SPAG17: variants seen among roughly 807,000 people sequenced by gnomAD.
The protein encoded by SPAG17 is sperm-associated antigen 17.
A neutral mutation model predicts 273.6 loss-of-function variants in SPAG17; 169 were observed. The observed-to-expected ratio is 0.62, with a 90% CI of 0.55 to 0.70. SPAG17 has a LOEUF of 0.70. SPAG17 is among the 30% of genes least tolerant of loss of function. The pLI is 0.00. For missense variants in SPAG17, 2,557 were observed against 2,627.8 expected, an observed-to-expected ratio of 0.97 and a Z score of 0.59; for synonymous variants, 825 against 873.2, an observed-to-expected ratio of 0.94 and a Z score of 0.97.
chr1:118,061,444 G>GACAA (rs1295240182), intron 18 of SPAG17, among the ~76,000 whole-genome samples: 11 of 152,174 alleles, frequency 7.2e-5, no homozygotes, highest in Non-Finnish European at 5.9e-5. Context: ...GTCACTGAAT[G>GACAA]ACAAATACCG....
chr1:118,098,732 C>T (rs1473221569), intron 6 of SPAG17, among the ~76,000 whole-genome samples: 4 of 151,980 alleles, frequency 2.6e-5, no homozygotes, highest in Non-Finnish European at 4.4e-5. Context: ...TTGTGAAAAC[C>T]ACATGAATCA....
intron 4 of SPAG17, among the ~76,000 whole-genome samples, chr1:118,108,674 T>C (rs1656561171): frequency 1.3e-5 from 2 of 151,900 alleles, no homozygotes; most frequent in Non-Finnish European, 2.9e-5. Context: ...CCCCAGCATA[T>C]GAAGGAAGAG....
At chr1:117,989,103 G>T (rs1422900906) in intron 38 of SPAG17, among the ~76,000 whole-genome samples, 14 of 152,072 alleles carry the variant, frequency 9.2e-5, no homozygotes, top group Admixed American at 9.2e-4. Context: ...AAAGTATAGG[G>T]CCCCTGGTTA....
intron 25 of SPAG17, among the ~76,000 whole-genome samples, chr1:118,028,858 C>T (rs1008552509): frequency 6.6e-6 from 1 of 152,128 alleles, no homozygotes; most frequent in African/African-American, 2.4e-5. Flanking sequence ...GAGGGCTCCA[C>T]CCTTATGAAT....
At chr1:118,171,213 T>TATAATGTATAATACA (rs1317196931) in intron 1 of SPAG17, among the ~76,000 whole-genome samples, 1 of 152,094 alleles carries the variant, frequency 6.6e-6, no homozygotes. Context: ...GTATAATAAG[T>TATAATGTATAATACA]TGAATTGCAA....
chr1:118,018,223 G>A, intron 28 of SPAG17, among the ~76,000 whole-genome samples: 1 of 152,142 alleles, frequency 6.6e-6, no homozygotes, highest in East Asian at 1.9e-4. Context: ...GGTTTGATAT[G>A]AGGCCCTCAA....
chr1:117,955,280 G>C, intron 48 of SPAG17: 1 of 1,571,472 alleles, frequency 6.4e-7, no homozygotes, highest in East Asian at 2.3e-5. Context: ...AACCAACCAA[G>C]AGTATCACTA....
chr1:117,990,508 A>C (rs1656959929), intron 38 of SPAG17, among the ~76,000 whole-genome samples: 1 of 152,166 alleles, frequency 6.6e-6, no homozygotes, highest in South Asian at 2.1e-4. Flanking sequence ...GTTGCTCAAA[A>C]ATTTTGTGTG....
intron 1 of SPAG17, among the ~76,000 whole-genome samples, chr1:118,159,385 CA>C (rs969582716): frequency 2.0e-5 from 3 of 152,102 alleles, no homozygotes; most frequent in Non-Finnish European, 4.4e-5. Context: ...GTTTCTTAGC[CA>C]AATGACCTTG....
chr1:117,966,713 A>C lies in SPAG17; in HGVS notation c.6428T>G (p.Phe2143Cys). ...GMQTELNIEL[F>C]ATAVGEDGAK... is the part of the protein sequence containing the mutation. ...CCCATCCTCTCCAACAGCTGTGGCA[A>C]ATAACTCTATATTCAGTTCTGTCTG... Residue 2143 changes from phenylalanine to cysteine, a missense_variant, in exon 47 of 49, where the codon TTT becomes TGT. Phe to Cys is a radical substitution (Grantham distance 205). Transcript: ENST00000336338. The C allele has an allele frequency of 1.9e-6, 3 of 1,613,988 alleles. No homozygotes were observed. Among genetic ancestry groups the C allele is most frequent in the Non-Finnish European group, 2.5e-6 (3 of 1,179,958 alleles).
rs1655497864 is a variant in SPAG17, at chr1:118,093,211, T to C, written c.1118A>G (p.Asn373Ser). The change falls in exon 8 of 49, where the codon AAT becomes AGT. Residue 373 changes from asparagine (N) to serine (S), a missense_variant. By Grantham distance (46) the Asn-to-Ser change is conservative. Coordinates refer to ENST00000336338, the MANE Select transcript of SPAG17 (RefSeq NM_206996.4). ...TTTCTCATTAACCACTTGTGGAACATTAATAAGCTGCATGCTTTCCAAATA... is the reference window on the plus strand; with the variant it reads ...TTTCTCATTAACCACTTGTGGAACACTAATAAGCTGCATGCTTTCCAAATA... ...QHYLESMQLINVPQVVNEKPV... is the reference protein window; with the variant it reads ...QHYLESMQLISVPQVVNEKPV... 1.2e-6 allele frequency: 2 copies of C among 1,613,720 alleles called. No homozygotes were observed. The highest frequency in any genetic ancestry group is 1.7e-5 in the Admixed American group (1 of 59,970).
chr1:117,997,173 C>T (rs543159779), intron 32 of SPAG17, among the ~76,000 whole-genome samples: 1 of 152,052 alleles, frequency 6.6e-6, no homozygotes, highest in Non-Finnish European at 1.5e-5. Flanking sequence ...GGGTAGAATA[C>T]ATTGGGAAAT....
At chr1:118,035,459 T>A (rs1648973309) in intron 24 of SPAG17, among the ~76,000 whole-genome samples, 1 of 152,174 alleles carries the variant, frequency 6.6e-6, no homozygotes, top group South Asian at 2.1e-4. Flanking sequence ...ATGTAATTCG[T>A]TAGGCATCAA....
At chr1:118,146,924 G>C (rs1226867373) in intron 3 of SPAG17, among the ~76,000 whole-genome samples, 1 of 152,172 alleles carries the variant, frequency 6.6e-6, no homozygotes, top group Non-Finnish European at 1.5e-5. Context: ...CCTTTCAAAT[G>C]GCAATGTTTC....
rs1432393103 is a variant in SPAG17 at position 118,025,343 on chromosome 1, G to A, written c.3804C>T (p.His1268=). ...GCATCACCGTTTTATAGAACTCATAGTGCTTCACCCTCTGGGGGTAGCTCT... is the reference window on the plus strand; with the variant it reads ...GCATCACCGTTTTATAGAACTCATAATGCTTCACCCTCTGGGGGTAGCTCT... ...VRQSYPQRVK[H]YEFYKTVMPP... is the part of the protein sequence containing the mutation. Residue 1268 remains histidine (H), a synonymous_variant, in exon 27 of 49, where the codon CAC becomes CAT. Transcript: ENST00000336338. 7 of 1,613,460 alleles carry A rather than the reference G, an allele frequency of 4.3e-6. No homozygotes were observed. The highest frequency in any genetic ancestry group is 5.9e-6 in the Non-Finnish European group (7 of 1,179,718).
chr1:118,016,874 G>A (rs1660032423), intron 28 of SPAG17, among the ~76,000 whole-genome samples: 2 of 152,164 alleles, frequency 1.3e-5, no homozygotes, highest in South Asian at 4.1e-4. Flanking sequence ...CTCTATCAGG[G>A]TAGACATACT....
intron 4 of SPAG17, among the ~76,000 whole-genome samples, chr1:118,110,365 A>C (rs1354077311): frequency 2.0e-5 from 3 of 152,224 alleles, no homozygotes; most frequent in African/African-American, 7.2e-5. Context: ...AAAAACAGAA[A>C]GAAAAATGCC....
chr1:118,107,943 A>G (rs1454925227), intron 4 of SPAG17, among the ~76,000 whole-genome samples: 2 of 152,182 alleles, frequency 1.3e-5, no homozygotes, highest in African/African-American at 2.4e-5. Context: ...TAGAATATGT[A>G]TTACTATGTA....
intron 1 of SPAG17, among the ~76,000 whole-genome samples, chr1:118,170,101 TAA>T (rs1256892780): frequency 6.6e-6 from 1 of 152,160 alleles, no homozygotes; most frequent in East Asian, 1.9e-4. Flanking sequence ...ATGTTTTCTG[TAA>T]AACATCTAAT....
Sources: gnomAD v4.1 joint callset for allele counts (sites outside exome capture counted in the v4.1 genomes callset) on GRCh38, gnomAD v4.1.1 for gene constraint, MANE v1.5 for transcripts, NCBI Gene and HGNC (gene_info 2026-07-23, HGNC 2026-07-21) for gene names.